SV2C: variants seen among roughly 807,000 people sequenced by gnomAD.
The protein encoded by SV2C is solute carrier family 22 member B3.
SV2C carries 49 observed loss-of-function variants against 79.7 expected under a neutral mutation model. That is an observed-to-expected ratio of 0.61 (90% confidence interval 0.49 to 0.78). The LOEUF (loss-of-function observed/expected upper bound fraction) is 0.78. Ranked by LOEUF, SV2C falls within the 30% of genes least tolerant of loss-of-function variation. SV2C has a pLI of 0.00. For missense variants in SV2C, 833 were observed against 912.9 expected (o/e 0.91, Z 1.13); for synonymous variants, 334 against 333.2 (o/e 1.00, Z -0.03).
At chr5:76,318,533 C>A (rs1275119118) in intron 12 of SV2C, among the ~76,000 whole-genome samples, 8 of 152,158 alleles carry the variant, frequency 5.3e-5, no homozygotes, top group Admixed American at 5.2e-4. Flanking sequence ...TGGCCACATC[C>A]CCACCAGGTG....
At chr5:76,153,367 C>T (rs1328552899) in intron 2 of SV2C, among the ~76,000 whole-genome samples, 1 of 152,210 alleles carries the variant, frequency 6.6e-6, no homozygotes, top group Non-Finnish European at 1.5e-5. Context: ...TCTCTCGGCT[C>T]TCCTAATGTT....
chr5:75,895,928 A>T, the SV2C span, among the ~76,000 whole-genome samples: 1 of 152,130 alleles, frequency 6.6e-6, no homozygotes, highest in Non-Finnish European at 1.5e-5. Flanking sequence ...ATTTGAACCT[A>T]TCTTATAAAG....
chr5:76,342,930 C>T (rs1749471073), intron 12 of SV2C, among the ~76,000 whole-genome samples: 2 of 146,740 alleles, frequency 1.4e-5, no homozygotes, highest in South Asian at 4.3e-4. Context: ...TGCTATGTTT[C>T]CCAGGCTGGT....
intron 1 of SV2C, among the ~76,000 whole-genome samples, chr5:76,093,410 C>T (rs1262882708): frequency 1.3e-5 from 2 of 152,138 alleles, no homozygotes; most frequent in Admixed American, 6.5e-5. Flanking sequence ...ACTTCCAGTC[C>T]ACAAGGTAGA....
the SV2C span, among the ~76,000 whole-genome samples, chr5:75,928,906 G>A: frequency 6.6e-6 from 1 of 152,122 alleles, no homozygotes; most frequent in Non-Finnish European, 1.5e-5. Context: ...AGTACAATTG[G>A]AATATTAATA....
chr5:76,131,735 C>A lies in SV2C; in HGVS notation c.-16C>A, dbSNP rs780494703. 1.1e-5 allele frequency: 18 copies of A among 1,568,378 alleles called. No individual in the cohort carries two copies. The East Asian group carries it at 3.4e-4, about 30-fold the overall frequency. ...GAAAATTTCCCATCTTCTCATTGGC[C>A]ATCAGTTGAGATAAGATGGAAGACT... is the stretch of plus-strand genomic sequence containing the variant. On this transcript the variant is annotated 5_prime_UTR_variant, in exon 2 of 13. Coordinates refer to ENST00000502798, the MANE Select transcript of SV2C (RefSeq NM_014979.4).
chr5:76,082,515 C>CCTCT, upstream of SV2C: 1 of 149,958 alleles, frequency 6.7e-6, no homozygotes, highest in African/African-American at 2.4e-5. Context: ...TCTCTCTCTC[C>CCTCT]CTCTCTCTCT....
At chr5:76,130,145 T>TAAAAAAAAA (rs375351450) in intron 1 of SV2C, among the ~76,000 whole-genome samples, 106 of 67,826 alleles carry the variant, frequency 1.6e-3, no homozygotes, top group Non-Finnish European at 1.8e-3. Flanking sequence ...TCTCAGTTCT[T>TAAAAAAAAA]AAAAAAAAAA....
At chr5:76,338,928 T>G (rs1475074073), downstream of SV2C, among the ~76,000 whole-genome samples, 1 of 152,070 alleles carries the variant, frequency 6.6e-6, no homozygotes, top group African/African-American at 2.4e-5. Flanking sequence ...AGTGCTGAGA[T>G]GACAGGTGTG....
upstream of SV2C, among the ~76,000 whole-genome samples, chr5:76,082,717 T>C (rs191304041): frequency 3.3e-5 from 5 of 149,738 alleles, no homozygotes; most frequent in Admixed American, 1.3e-4. Context: ...TCTGGCCCTA[T>C]GTAGCATTGG....
At chr5:75,996,591 C>T in the SV2C span, among the ~76,000 whole-genome samples, 4,720 of 152,126 alleles carry the variant, frequency 0.031, 263 homozygotes, top group African/African-American at 0.11. Flanking sequence ...GCCATTTTCA[C>T]GATATTGATT....
At chr5:76,264,875 C>T (rs923772814) in intron 4 of SV2C, among the ~76,000 whole-genome samples, 35 of 152,184 alleles carry the variant, frequency 2.3e-4, no homozygotes, top group African/African-American at 8.4e-4. Context: ...TCTGTCAACC[C>T]CTGTTCGGAG....
At chr5:75,897,977 A>G in the SV2C span, among the ~76,000 whole-genome samples, 2 of 151,682 alleles carry the variant, frequency 1.3e-5, no homozygotes, top group South Asian at 4.2e-4. Flanking sequence ...GGCTGAGACA[A>G]TGGGGTTTTC....
At chr5:75,847,865 T>C in the SV2C span, among the ~76,000 whole-genome samples, 1 of 152,186 alleles carries the variant, frequency 6.6e-6, no homozygotes, top group Non-Finnish European at 1.5e-5. Context: ...TGCACCTGTC[T>C]CCACCCTATA....
At chr5:76,212,914 A>C (rs1005081315) in intron 4 of SV2C, among the ~76,000 whole-genome samples, 1 of 152,158 alleles carries the variant, frequency 6.6e-6, no homozygotes, top group Non-Finnish European at 1.5e-5. Context: ...TCCAAAGTAC[A>C]CTTAAGATAC....
rs1483785357 is a variant in SV2C, at chr5:76,328,474, C to T, written c.*2927C>T. 6.6e-6 allele frequency: 1 copy of T among 152,110 alleles called. No individual in the cohort carries two copies. Among genetic ancestry groups the T allele is most frequent in the Non-Finnish European group, 1.5e-5 (1 of 68,034 alleles). 9.4% of individuals were successfully genotyped at this position (152,110 alleles called of 1,614,324 possible). A position where few individuals can be genotyped will look rare whatever the true frequency, so the allele number is the denominator to read the frequency against. ...AATTCTGTATGTACCACATTCTATCCCAGGTATTGGGTTTTAAGGCACCCA... is the reference window on the plus strand; with the variant it reads ...AATTCTGTATGTACCACATTCTATCTCAGGTATTGGGTTTTAAGGCACCCA... On this transcript the variant is annotated 3_prime_UTR_variant, in exon 13 of 13. Coordinates refer to ENST00000502798, the MANE Select transcript of SV2C (RefSeq NM_014979.4).
chr5:76,047,937 AT>A, the SV2C span, among the ~76,000 whole-genome samples: 1 of 151,782 alleles, frequency 6.6e-6, no homozygotes, highest in Non-Finnish European at 1.5e-5. Context: ...CTCCCGGCTA[AT>A]TTTTTTGTAT....
At chr5:76,296,646 T>C (rs922723694) in intron 9 of SV2C, among the ~76,000 whole-genome samples, 11 of 152,328 alleles carry the variant, frequency 7.2e-5, no homozygotes, top group Admixed American at 3.3e-4. Flanking sequence ...AAGTTCATGA[T>C]AGTTTACATC....
At chr5:76,085,035 C>T (rs777637028) in intron 1 of SV2C, among the ~76,000 whole-genome samples, 2 of 152,236 alleles carry the variant, frequency 1.3e-5, no homozygotes, top group Non-Finnish European at 2.9e-5. Context: ...TCTCCTCTCC[C>T]GCTGAACCTA....
Sources: allele counts gnomAD v4.1 joint callset (sites outside exome capture counted in the v4.1 genomes callset), GRCh38; gene constraint gnomAD v4.1.1; transcripts MANE v1.5; gene names NCBI Gene and HGNC (gene_info 2026-07-23, HGNC 2026-07-21).